Variants in CNTN6 observed in about 807,000 individuals in gnomAD.
CNTN6 encodes contactin 6.
A neutral mutation model predicts 122.8 loss-of-function variants in CNTN6; 137 were observed. The observed-to-expected ratio is 1.12, with a 90% CI of 0.97 to 1.29. The LOEUF (loss-of-function observed/expected upper bound fraction) is 1.29. Among genes scored for constraint, CNTN6 ranks in the 50% most tolerant of loss-of-function variants. The pLI is 0.00. For missense variants in CNTN6, 1,634 were observed against 1,223.4 expected (o/e 1.34, Z -5.01); for synonymous variants, 570 against 426.0 (o/e 1.34, Z -4.16).
chr3:1,325,138 C>T (rs1407706341), intron 8 of CNTN6, among the ~76,000 whole-genome samples: 2 of 151,774 alleles, frequency 1.3e-5, no homozygotes, highest in Non-Finnish European at 2.9e-5. Context: ...ATCTTACTTT[C>T]ACGTCAATTA....
chr3:1,099,584 G>A (rs372006974), intron 1 of CNTN6, among the ~76,000 whole-genome samples: 1 of 152,058 alleles, frequency 6.6e-6, no homozygotes, highest in African/African-American at 2.4e-5. Context: ...CTATTGCAGT[G>A]TTCTATTATC....
intron 1 of CNTN6, among the ~76,000 whole-genome samples, chr3:1,141,826 T>C (rs1291625971): frequency 3.9e-5 from 6 of 152,186 alleles, no homozygotes; most frequent in Admixed American, 3.9e-4. Context: ...GCTTCTAAGT[T>C]AGGTTGGGAA....
intron 7 of CNTN6, among the ~76,000 whole-genome samples, chr3:1,317,560 A>G (rs1700265135): frequency 6.6e-6 from 1 of 151,774 alleles, no homozygotes; most frequent in Admixed American, 6.6e-5. Flanking sequence ...CCTCTGTGTT[A>G]GTTTCGGATT....
intron 1 of CNTN6, among the ~76,000 whole-genome samples, chr3:1,105,758 T>C (rs1442261683): frequency 6.6e-6 from 1 of 152,126 alleles, no homozygotes. Flanking sequence ...TTATCAACTT[T>C]TTACCTCCGG....
At chr3:1,243,504 C>T (rs55710032) in intron 4 of CNTN6, among the ~76,000 whole-genome samples, 24,018 of 150,560 alleles carry the variant, frequency 0.16, 2,485 homozygotes, top group East Asian at 0.45. Flanking sequence ...GAGCAGATTG[C>T]GTAATAAAAT....
intron 4 of CNTN6, among the ~76,000 whole-genome samples, chr3:1,235,410 C>T (rs2094408529): frequency 6.6e-6 from 1 of 151,260 alleles, no homozygotes; most frequent in South Asian, 2.1e-4. Context: ...ACATTTTTTG[C>T]ATTAAAGGAT....
chr3:1,321,919 A>G (rs1187279622), intron 8 of CNTN6, 85 bp downstream of exon 8: 1 of 1,202,234 alleles, frequency 8.3e-7, no homozygotes, highest in Non-Finnish European at 1.2e-6. Context: ...CATGTTGTGA[A>G]AAAGTGTCAC....
chr3:1,403,260 A>G, intron 22 of CNTN6, 58 bp from the exon 23 acceptor site: 1 of 1,127,656 alleles, frequency 8.9e-7, no homozygotes, highest in Non-Finnish European at 1.3e-6. Flanking sequence ...TTGAAAAATT[A>G]ATCTAACAGG....
Position 1,404,014 on chromosome 3 carries a change from G to C in CNTN6, c.*596G>C, listed in dbSNP as rs1237721319. ...TTCAGTCACAATAAAGGCAGAAAAA[G>C]TATTTTATGGCAAAGAAAAATAAAT... On this transcript the variant is annotated 3_prime_UTR_variant, in exon 23 of 23. Transcript: ENST00000446702. The C allele has an allele frequency of 2.0e-5, 3 of 152,024 alleles. No individual in the cohort carries two copies. Among genetic ancestry groups the C allele is most frequent in the Non-Finnish European group, 4.4e-5 (3 of 67,974 alleles). The allele number at this position is 152,024 out of a possible 1,614,324, so 9.4% of individuals were successfully genotyped here. A position where few individuals can be genotyped will look rare whatever the true frequency, so the allele number is the denominator to read the frequency against.
intron 11 of CNTN6, among the ~76,000 whole-genome samples, chr3:1,332,278 C>G (rs1702397133): frequency 6.6e-6 from 1 of 151,940 alleles, no homozygotes; most frequent in African/African-American, 2.4e-5. Flanking sequence ...GAGTCTATGT[C>G]CCTGCACACT....
intron 3 of CNTN6, 73 bp from the exon 4 acceptor site, chr3:1,227,745 A>G: frequency 6.8e-7 from 1 of 1,467,430 alleles, no homozygotes; most frequent in South Asian, 1.2e-5. Context: ...AGGAATTAGA[A>G]CTACATGTTT....
chr3:1,346,964 C>T (rs1704823307), intron 11 of CNTN6, among the ~76,000 whole-genome samples: 2 of 152,122 alleles, frequency 1.3e-5, no homozygotes, highest in Non-Finnish European at 2.9e-5. Flanking sequence ...GGACTACCTA[C>T]CTTCCCTGAC....
intron 2 of CNTN6, among the ~76,000 whole-genome samples, chr3:1,156,193 C>A (rs1261480081): frequency 6.6e-6 from 1 of 152,158 alleles, no homozygotes; most frequent in Non-Finnish European, 1.5e-5. Context: ...CATTGTTCTT[C>A]TTCAGATCCA....
intron 1 of CNTN6, among the ~76,000 whole-genome samples, chr3:1,093,846 T>A (rs1227370136): frequency 6.6e-6 from 1 of 152,234 alleles, no homozygotes; most frequent in Non-Finnish European, 1.5e-5. Flanking sequence ...TAGCCACGTA[T>A]AACCCATTAT....
intron 4 of CNTN6, among the ~76,000 whole-genome samples, chr3:1,248,648 T>G (rs2094614326): frequency 6.6e-6 from 1 of 152,006 alleles, no homozygotes; most frequent in Non-Finnish European, 1.5e-5. Context: ...GGTGAAACTC[T>G]GTCTCCACTA....
At chr3:1,212,165 C>A (rs143621578) in intron 2 of CNTN6, among the ~76,000 whole-genome samples, 2 of 151,190 alleles carry the variant, frequency 1.3e-5, no homozygotes, top group African/African-American at 4.9e-5. Context: ...CAATATTGTA[C>A]AATTTTCATA....
At chr3:1,271,295 C>T (rs6766488) in intron 4 of CNTN6, among the ~76,000 whole-genome samples, 14,230 of 152,218 alleles carry the variant, frequency 0.093, 913 homozygotes, top group Non-Finnish European at 0.15. Context: ...AACATCTTGG[C>T]AGATGAAAGC....
chr3:1,261,724 A>G (rs903262109), intron 4 of CNTN6, among the ~76,000 whole-genome samples: 3 of 152,172 alleles, frequency 2.0e-5, no homozygotes, highest in Admixed American at 6.5e-5. Context: ...TGCTACAATC[A>G]TACTTTAAAA....
At chr3:1,269,340 T>C (rs777418379) in intron 4 of CNTN6, among the ~76,000 whole-genome samples, 1 of 152,206 alleles carries the variant, frequency 6.6e-6, no homozygotes, top group Non-Finnish European at 1.5e-5. Context: ...AATTCGTTAG[T>C]GGGTTATTTA....
Sources: gnomAD v4.1 joint callset for allele counts (sites outside exome capture counted in the v4.1 genomes callset) on GRCh38, gnomAD v4.1.1 for gene constraint, MANE v1.5 for transcripts, NCBI Gene and HGNC (gene_info 2026-07-23, HGNC 2026-07-21) for gene names.